The following ATE1 variants were observed in gnomAD, a reference collection of about 807,000 sequenced individuals.
ATE1 encodes arginyl-tRNA--protein transferase 1.
ATE1 carries 36 observed loss-of-function variants against 70.5 expected under a neutral mutation model. The ratio of observed to expected loss-of-function variants is 0.51; its 90% CI spans 0.39 to 0.67. The LOEUF is 0.67. Among genes scored for constraint, ATE1 ranks in the 30% least tolerant of loss-of-function variants. The pLI, the probability that ATE1 is intolerant of heterozygous loss-of-function variation, is 0.00. For missense variants in ATE1, 593 were observed against 629.5 expected, an observed-to-expected ratio of 0.94 and a Z score of 0.62; for synonymous variants, 232 against 219.3, an observed-to-expected ratio of 1.06 and a Z score of -0.51.
intron 11 of ATE1, among the ~76,000 whole-genome samples, chr10:121,760,041 CTT>C (rs1944975304): frequency 6.6e-6 from 1 of 152,212 alleles, no homozygotes; most frequent in Admixed American, 6.5e-5. Flanking sequence ...GAACAGTTCT[CTT>C]TGCAGCGTAT....
intron 7 of ATE1, among the ~76,000 whole-genome samples, chr10:121,881,323 T>G (rs1950215945): frequency 6.6e-6 from 1 of 152,144 alleles, no homozygotes; most frequent in African/African-American, 2.4e-5. Context: ...TTTTATAAGT[T>G]AGTGTAACGA....
chr10:121,817,911 A>C (rs1349582845), intron 10 of ATE1, among the ~76,000 whole-genome samples: 1 of 152,184 alleles, frequency 6.6e-6, no homozygotes, highest in Non-Finnish European at 1.5e-5. Context: ...AGATTATCCC[A>C]CATAAAACCC....
intron 11 of ATE1, among the ~76,000 whole-genome samples, chr10:121,745,681 G>A (rs535640549): frequency 6.6e-6 from 1 of 152,062 alleles, no homozygotes; most frequent in Non-Finnish European, 1.5e-5. Flanking sequence ...GAGCCGAGAT[G>A]GCATCACTGC....
chr10:121,768,102 A>G (rs1211675592), intron 11 of ATE1, among the ~76,000 whole-genome samples: 6 of 152,356 alleles, frequency 3.9e-5, no homozygotes, highest in African/African-American at 1.4e-4. Flanking sequence ...GTCACAAAAA[A>G]TACTGTATGA....
At chr10:121,841,052 C>A in intron 9 of ATE1, 30 bp downstream of exon 9, 2 of 1,458,836 alleles carry the variant, frequency 1.4e-6, no homozygotes, top group Non-Finnish European at 9.2e-7. Flanking sequence ...CTATATAACC[C>A]ACTACAATAA....
chr10:121,908,107 G>A lies in ATE1; in HGVS notation c.583+2799C>T, dbSNP rs79389529. On this transcript the variant is annotated intron_variant, in intron 5 of 11. Transcript: ENST00000224652. The stretch of plus-strand genomic sequence containing the variant: ...AGAGGAGCAACAGATTGCAACAGCA[G>A]TATGTTCAGATCCATGAGTTCCCAA... 7.4e-3 allele frequency among the ~76,000 whole-genome samples: 1,129 copies of A among 152,310 alleles called. 21 individuals are homozygous for A. Among genetic ancestry groups the A allele is most frequent in the African/African-American group, 0.026 (1,082 of 41,560 alleles).
chr10:121,872,232 T>C (rs1335770151), intron 7 of ATE1, among the ~76,000 whole-genome samples: 2 of 152,220 alleles, frequency 1.3e-5, no homozygotes, highest in Non-Finnish European at 2.9e-5. Flanking sequence ...ATGTTGTCTA[T>C]AAAAACTAAT....
chr10:121,747,688 T>A (rs957040627), intron 11 of ATE1, among the ~76,000 whole-genome samples: 118 of 152,366 alleles, frequency 7.7e-4, no homozygotes, highest in Middle Eastern at 6.8e-3. Flanking sequence ...TTGTAAATAC[T>A]TGAAGTGGTT....
At chr10:121,900,027 A>T (rs1405203729) in intron 6 of ATE1, 33 bp from the exon 7 acceptor site, 2 of 1,608,898 alleles carry the variant, frequency 1.2e-6, no homozygotes, top group Non-Finnish European at 1.7e-6. Flanking sequence ...AAGTTTACTA[A>T]TTCATTCATT....
chr10:121,809,393 G>A (rs1947226891), intron 10 of ATE1, among the ~76,000 whole-genome samples: 1 of 151,818 alleles, frequency 6.6e-6, no homozygotes, highest in Admixed American at 6.6e-5. Flanking sequence ...TCCTGAGACA[G>A]CTTTTGTACT....
intron 8 of ATE1, among the ~76,000 whole-genome samples, chr10:121,869,339 C>T (rs376866994): frequency 1.3e-5 from 2 of 152,322 alleles, no homozygotes; most frequent in East Asian, 3.9e-4. Flanking sequence ...TCTCTACTTC[C>T]TTTTCCAAGT....
intron 10 of ATE1, among the ~76,000 whole-genome samples, chr10:121,793,948 T>C (rs541799192): frequency 6.6e-6 from 1 of 152,352 alleles, no homozygotes; most frequent in South Asian, 2.1e-4. Context: ...GGTTTCATAA[T>C]ATTACATTTA....
At chr10:121,879,853 AG>A (rs1011698626) in intron 7 of ATE1, among the ~76,000 whole-genome samples, 1 of 152,216 alleles carries the variant, frequency 6.6e-6, no homozygotes, top group African/African-American at 2.4e-5. Context: ...AGCTTCCTGC[AG>A]AAAAACTTCC....
At chr10:121,831,848 A>T (rs1047709380) in intron 10 of ATE1, among the ~76,000 whole-genome samples, 2 of 152,228 alleles carry the variant, frequency 1.3e-5, no homozygotes, top group Admixed American at 6.5e-5. Context: ...GTATATAATC[A>T]GTCATCTTTT....
chr10:121,749,439 A>G (rs1944495727), intron 11 of ATE1, among the ~76,000 whole-genome samples: 1 of 152,180 alleles, frequency 6.6e-6, no homozygotes, highest in African/African-American at 2.4e-5. Flanking sequence ...AATTCTGCCT[A>G]CCCAAAGAAA....
At chr10:121,898,596 T>C (rs1950863276) in intron 7 of ATE1, among the ~76,000 whole-genome samples, 1 of 152,122 alleles carries the variant, frequency 6.6e-6, no homozygotes, top group African/African-American at 2.4e-5. Flanking sequence ...TGACCTAGAG[T>C]GGATGACTGA....
At chr10:121,818,497 G>A (rs1031941363) in intron 10 of ATE1, among the ~76,000 whole-genome samples, 1 of 152,162 alleles carries the variant, frequency 6.6e-6, no homozygotes, top group African/African-American at 2.4e-5. Context: ...CTATGGCAGA[G>A]GCAGGCACTC....
chr10:121,826,304 A>T (rs558607799), intron 10 of ATE1, among the ~76,000 whole-genome samples: 2 of 152,058 alleles, frequency 1.3e-5, no homozygotes, highest in African/African-American at 2.4e-5. Context: ...ACAACCAACA[A>T]GAATGTTTTT....
At chr10:121,802,353 G>T (rs749505071) in intron 10 of ATE1, among the ~76,000 whole-genome samples, 1 of 151,466 alleles carries the variant, frequency 6.6e-6, no homozygotes, top group Non-Finnish European at 1.5e-5. Context: ...CTGTTGCCCA[G>T]GTTGGAGTGC....
Sources: allele counts gnomAD v4.1 joint callset (sites outside exome capture counted in the v4.1 genomes callset), GRCh38; gene constraint gnomAD v4.1.1; transcripts MANE v1.5; gene names NCBI Gene and HGNC (gene_info 2026-07-23, HGNC 2026-07-21).